Variants in PTPRD observed in about 807,000 individuals in gnomAD.
The protein encoded by PTPRD is protein tyrosine phosphatase receptor type D.
Under a neutral mutation model 214.5 loss-of-function variants are expected in PTPRD, and 34 were observed. The observed-to-expected ratio is 0.16, with a 90% CI of 0.12 to 0.21. The LOEUF (loss-of-function observed/expected upper bound fraction) is 0.21. Ranked by LOEUF, PTPRD falls within the 10% of genes least tolerant of loss-of-function variation. PTPRD has a pLI of 1.00. For synonymous variants in PTPRD, 1,128 were observed against 845.7 expected (o/e 1.33, Z -5.79); for missense variants, 2,545 against 2,398.7 (o/e 1.06, Z -1.27).
intron 10 of PTPRD, among the ~76,000 whole-genome samples, chr9:9,115,403 A>T (rs2099811453): frequency 6.6e-6 from 1 of 152,176 alleles, no homozygotes; most frequent in African/African-American, 2.4e-5. Context: ...AATCATCAGG[A>T]AAATACAAAA....
chr9:10,269,537 G>A (rs935691541), intron 3 of PTPRD, among the ~76,000 whole-genome samples: 2 of 152,116 alleles, frequency 1.3e-5, no homozygotes, highest in Non-Finnish European at 2.9e-5. Context: ...AAGAGAGGGT[G>A]CTCTACTGTT....
intron 34 of PTPRD, among the ~76,000 whole-genome samples, chr9:8,439,735 A>T (rs1281667340): frequency 6.6e-6 from 1 of 152,014 alleles, no homozygotes; most frequent in African/African-American, 2.4e-5. Context: ...CCGCTGCCCA[A>T]TATTGAAAAA....
At chr9:9,337,563 C>T (rs1443134735) in intron 9 of PTPRD, among the ~76,000 whole-genome samples, 2 of 152,124 alleles carry the variant, frequency 1.3e-5, no homozygotes, top group Non-Finnish European at 2.9e-5. Flanking sequence ...ATTCTAGTCT[C>T]TGAGAATTTG....
intron 4 of PTPRD, among the ~76,000 whole-genome samples, chr9:10,002,737 T>G (rs990771677): frequency 6.7e-6 from 1 of 150,064 alleles, no homozygotes; most frequent in Non-Finnish European, 1.5e-5. Flanking sequence ...TTTAACAATA[T>G]GTAGGTACTG....
chr9:10,263,481 G>T (rs569795829), intron 3 of PTPRD, among the ~76,000 whole-genome samples: 3 of 152,144 alleles, frequency 2.0e-5, no homozygotes, highest in African/African-American at 4.8e-5. Context: ...TGAGGAACTT[G>T]TTGGGAACTG....
intron 14 of PTPRD, among the ~76,000 whole-genome samples, chr9:8,581,913 CAAAAAAAAAAAAAA>C (rs36007156): frequency 0.028 from 984 of 34,978 alleles, 11 homozygotes; most frequent in Non-Finnish European, 0.044. Context: ...ACTCAATCTC[CAAAAAAAAAAAAAA>C]AAAAAAAAAA....
At chr9:9,723,608 A>T (rs140609757) in intron 7 of PTPRD, among the ~76,000 whole-genome samples, 1 of 152,070 alleles carries the variant, frequency 6.6e-6, no homozygotes, top group Non-Finnish European at 1.5e-5. Flanking sequence ...TTGCAGATCA[A>T]TTTGGGGAAT....
intron 5 of PTPRD, among the ~76,000 whole-genome samples, chr9:9,908,077 G>GAT (rs2078103959): frequency 9.0e-5 from 3 of 33,176 alleles, no homozygotes; most frequent in Non-Finnish European, 2.1e-4. Context: ...AGAACATTAA[G>GAT]ACAAAAAAAA....
chr9:8,749,615 G>A (rs1314173504), intron 11 of PTPRD, among the ~76,000 whole-genome samples: 3 of 152,208 alleles, frequency 2.0e-5, no homozygotes, highest in Admixed American at 2.0e-4. Flanking sequence ...ACATAGAGAA[G>A]ACACTGTTGT....
chr9:9,941,105 G>C (rs932756843), intron 4 of PTPRD, among the ~76,000 whole-genome samples: 2 of 152,122 alleles, frequency 1.3e-5, no homozygotes, highest in African/African-American at 4.8e-5. Context: ...GTTTTCTCAT[G>C]TTTTAAGAAA....
At chr9:9,120,533 G>A (rs540651975) in intron 10 of PTPRD, among the ~76,000 whole-genome samples, 1 of 152,154 alleles carries the variant, frequency 6.6e-6, no homozygotes, top group African/African-American at 2.4e-5. Context: ...GCATATAAAA[G>A]CTACCTCTTT....
At chr9:9,631,982 G>C (rs542739316) in intron 7 of PTPRD, among the ~76,000 whole-genome samples, 57 of 152,254 alleles carry the variant, frequency 3.7e-4, no homozygotes, top group Non-Finnish European at 6.3e-4. Flanking sequence ...AATGGAAAAA[G>C]GGTTTAACAA....
chr9:9,923,699 A>G (rs1437960949), intron 5 of PTPRD, among the ~76,000 whole-genome samples: 1 of 152,020 alleles, frequency 6.6e-6, no homozygotes, highest in African/African-American at 2.4e-5. Context: ...AAATCTCAAG[A>G]AAATGCTCAA....
At chr9:9,364,293 T>TTACAG (rs2057219611) in intron 9 of PTPRD, among the ~76,000 whole-genome samples, 1 of 151,440 alleles carries the variant, frequency 6.6e-6, no homozygotes, top group Non-Finnish European at 1.5e-5. Context: ...ATACCCTGGA[T>TTACAG]TACAGTAGTA....
At chr9:8,699,899 T>G (rs2098033493) in intron 12 of PTPRD, among the ~76,000 whole-genome samples, 1 of 152,188 alleles carries the variant, frequency 6.6e-6, no homozygotes, top group South Asian at 2.1e-4. Context: ...AAACTAAACA[T>G]GGCCATTTTG....
intron 2 of PTPRD, among the ~76,000 whole-genome samples, chr9:10,480,129 C>CAAACA (rs71485333): frequency 2.6e-5 from 4 of 151,920 alleles, no homozygotes; most frequent in Middle Eastern, 6.8e-3. Context: ...AAAAAACAAA[C>CAAACA]AAAAAATTAA....
chr9:10,094,863 GTTTT>G (rs1180274956), intron 3 of PTPRD, among the ~76,000 whole-genome samples: 1 of 151,304 alleles, frequency 6.6e-6, no homozygotes, highest in East Asian at 1.9e-4. Context: ...TAAGTGCCAG[GTTTT>G]TATGCATTAG....
At chr9:8,353,818 AT>A (rs1467780012) in intron 39 of PTPRD, among the ~76,000 whole-genome samples, 3 of 17,956 alleles carry the variant, frequency 1.7e-4, no homozygotes, top group South Asian at 1.3e-3. Context: ...TCAAAAAAAA[AT>A]ATATGTATAT....
chr9:9,320,087 T>C (rs771744055), intron 9 of PTPRD, among the ~76,000 whole-genome samples: 19 of 152,148 alleles, frequency 1.2e-4, no homozygotes, highest in Non-Finnish European at 2.8e-4. Context: ...AATAATAATG[T>C]TTTATTTGAA....
Sources: gnomAD v4.1 joint callset for allele counts (sites outside exome capture counted in the v4.1 genomes callset) on GRCh38, gnomAD v4.1.1 for gene constraint, MANE v1.5 for transcripts, NCBI Gene and HGNC (gene_info 2026-07-23, HGNC 2026-07-21) for gene names.